Variants in LSM3 observed in about 807,000 individuals in gnomAD.
LSM3 encodes the protein LSM3 homolog, U6 small nuclear RNA and mRNA degradation associated, also known as U6 snRNA-associated Sm-like protein LSm3.
A neutral mutation model predicts 15.4 loss-of-function variants in LSM3; 14 were observed. The observed-to-expected ratio is 0.91, with a 90% CI of 0.60 to 1.42. The LOEUF (loss-of-function observed/expected upper bound fraction) is 1.42, where lower values mean the gene tolerates loss of function less well. LSM3 is among the 40% of genes most tolerant of loss of function. The pLI, the probability that LSM3 is intolerant of heterozygous loss-of-function variation, is 0.00. For missense variants in LSM3, 88 were observed against 127.9 expected (o/e 0.69, Z 1.50); for synonymous variants, 46 against 45.1 (o/e 1.02, Z -0.08).
intron 3 of LSM3, among the ~76,000 whole-genome samples, chr3:14,189,700 C>T (rs1247396751): frequency 3.3e-5 from 5 of 151,924 alleles, no homozygotes; most frequent in Non-Finnish European, 7.4e-5. Context: ...TGGATATTAG[C>T]CTTTTGTCAG....
chr3:14,180,839 TTTTTTTTTTTTTTTTTTTAAAA>T (rs1559390192), intron 1 of LSM3, among the ~76,000 whole-genome samples: 1 of 126,050 alleles, frequency 7.9e-6, no homozygotes, highest in African/African-American at 3.3e-5. Context: ...TTTTTTTTTT[TTTTTTTTTTTTTTTTTTTAAAA>T]AAAAAAAAGA....
At chr3:14,192,366 A>T (rs1242271636) in intron 3 of LSM3, among the ~76,000 whole-genome samples, 1 of 152,174 alleles carries the variant, frequency 6.6e-6, no homozygotes, top group African/African-American at 2.4e-5. Flanking sequence ...GATCTGTCTG[A>T]TATTGACAGT....
Position 14,199,765 on chromosome 3 carries a change from G to A in LSM3, c.*1649G>A, listed in dbSNP as rs1358234572. On this transcript the variant is annotated 3_prime_UTR_variant, in exon 4 of 4. Coordinates refer to ENST00000306024, the MANE Select transcript of LSM3 (RefSeq NM_014463.3). ...AACTCCCTCCTGCAGAATGTTAGAA[G>A]AAACAACCTCAAAGACCTCAGGCCG... The A allele has an allele frequency of 6.6e-6, 1 of 152,232 alleles. No homozygotes were observed. The highest frequency in any genetic ancestry group is 1.5e-5 in the Non-Finnish European group (1 of 68,088). The allele number at this position is 152,232 out of a possible 1,614,324, so 9.4% of individuals were successfully genotyped here. A position where few individuals can be genotyped will look rare whatever the true frequency, so the allele number is the denominator to read the frequency against.
intron 3 of LSM3, among the ~76,000 whole-genome samples, chr3:14,193,109 C>T (rs1476799273): frequency 6.6e-6 from 1 of 152,180 alleles, no homozygotes; most frequent in Non-Finnish European, 1.5e-5. Flanking sequence ...TTGGTTCCCA[C>T]TCTCTTCTGG....
intron 3 of LSM3, among the ~76,000 whole-genome samples, chr3:14,189,434 T>C (rs1184434642): frequency 1.3e-5 from 2 of 152,206 alleles, no homozygotes; most frequent in Non-Finnish European, 1.5e-5. Flanking sequence ...GTAAAAGCAT[T>C]TCAGTTTTTC....
intron 1 of LSM3, among the ~76,000 whole-genome samples, chr3:14,179,300 A>G (rs1696985657): frequency 6.6e-6 from 1 of 152,228 alleles, no homozygotes; most frequent in South Asian, 2.1e-4. Flanking sequence ...ATCGACATAT[A>G]AGAGATCCTT....
At chr3:14,197,036 A>G (rs536122822) in intron 3 of LSM3, among the ~76,000 whole-genome samples, 1 of 152,366 alleles carries the variant, frequency 6.6e-6, no homozygotes, top group South Asian at 2.1e-4. Context: ...TTGGGTGGAA[A>G]GACAACACCC....
At position 14,192,968 on chromosome 3, in the gene LSM3, C is replaced by A. The variant is rs533416897; in HGVS notation, c.229-5068C>A. 7.2e-5 allele frequency among the ~76,000 whole-genome samples: 11 copies of A among 152,274 alleles called. No homozygotes were observed. In the East Asian group the frequency reaches 2.1e-3, roughly 29 times the overall value. The stretch of plus-strand genomic sequence containing the variant: ...CTTTCAGGAGCTCTTGTGAGGCAGG[C>A]CTGGTGGTGACAAAATCCCTCAGCA... On this transcript the variant is annotated intron_variant, in intron 3 of 3. Coordinates refer to ENST00000306024, the MANE Select transcript of LSM3 (RefSeq NM_014463.3).
At chr3:14,179,145 C>T (rs899641579) in intron 1 of LSM3, among the ~76,000 whole-genome samples, 1 of 152,204 alleles carries the variant, frequency 6.6e-6, no homozygotes, top group South Asian at 2.1e-4. Context: ...CCTCATGGAG[C>T]TGTCAGGATT....
At chr3:14,196,645 A>G (rs933948780) in intron 3 of LSM3, among the ~76,000 whole-genome samples, 5 of 152,194 alleles carry the variant, frequency 3.3e-5, no homozygotes, top group East Asian at 1.9e-4. Flanking sequence ...AAATCCCTCA[A>G]TTAGATCAAA....
Position 14,198,715 on chromosome 3 carries a change from C to G in LSM3, c.*599C>G, listed in dbSNP as rs751244007. On this transcript the variant is annotated 3_prime_UTR_variant, in exon 4 of 4. Coordinates refer to ENST00000306024, the MANE Select transcript of LSM3 (RefSeq NM_014463.3). The stretch of plus-strand genomic sequence containing the variant: ...CTCTACTGAAAATATAAAAATTAGC[C>G]AGGCGTGGTGGCGCATACTTGTAAT... 3.3e-5 allele frequency: 5 copies of G among 152,586 alleles called. No individual in the cohort carries two copies. Among genetic ancestry groups the G allele is most frequent in the Non-Finnish European group, 5.8e-5 (4 of 68,440 alleles). The allele number at this position is 152,586 out of a possible 1,614,324, so 9.5% of individuals were successfully genotyped here.
intron 3 of LSM3, among the ~76,000 whole-genome samples, chr3:14,197,285 A>C (rs752101133): frequency 6.6e-6 from 1 of 152,230 alleles, no homozygotes; most frequent in Non-Finnish European, 1.5e-5. Flanking sequence ...AGCAACATCT[A>C]CTAACATTTG....
intron 3 of LSM3, among the ~76,000 whole-genome samples, chr3:14,190,677 A>C (rs1697131147): frequency 6.6e-6 from 1 of 152,318 alleles, no homozygotes; most frequent in African/African-American, 2.4e-5. Context: ...CTATCAGCTT[A>C]AGGAGGTTTT....
intron 2 of LSM3, among the ~76,000 whole-genome samples, chr3:14,182,395 G>A (rs1170370455): frequency 7.5e-5 from 11 of 147,626 alleles, no homozygotes; most frequent in Non-Finnish European, 7.5e-5. Context: ...TTTAATTTTC[G>A]TTTATTCTTT....
At chr3:14,180,847 TTTTTTTTTTTAA>T (rs1697030247) in intron 1 of LSM3, among the ~76,000 whole-genome samples, 8 of 83,034 alleles carry the variant, frequency 9.6e-5, no homozygotes, top group African/African-American at 3.0e-4. Flanking sequence ...TTTTTTTTTT[TTTTTTTTTTTAA>T]AAAAAAAAAA....
chr3:14,190,156 T>C (rs1489684212), intron 3 of LSM3, among the ~76,000 whole-genome samples: 1 of 152,228 alleles, frequency 6.6e-6, no homozygotes, highest in Non-Finnish European at 1.5e-5. Context: ...CATTGGTCTA[T>C]ATATCTGTTT....
intron 3 of LSM3, among the ~76,000 whole-genome samples, chr3:14,190,853 C>T (rs1291827475): frequency 1.3e-5 from 2 of 152,176 alleles, no homozygotes; most frequent in African/African-American, 2.4e-5. Flanking sequence ...GAGGGCATCC[C>T]TGTCTTGTGC....
At chr3:14,180,839 TTTTTTTTTTTTTTTTTTTAA>T (rs1559390183) in intron 1 of LSM3, among the ~76,000 whole-genome samples, 4 of 126,050 alleles carry the variant, frequency 3.2e-5, no homozygotes, top group African/African-American at 9.8e-5. Flanking sequence ...TTTTTTTTTT[TTTTTTTTTTTTTTTTTTTAA>T]AAAAAAAAAA....
intron 1 of LSM3, among the ~76,000 whole-genome samples, chr3:14,179,860 G>T (rs962245591): frequency 4.6e-5 from 7 of 152,192 alleles, no homozygotes; most frequent in Admixed American, 4.6e-4. Flanking sequence ...TAGCAGTAGG[G>T]CTTTTTCATG....
Sources: gnomAD v4.1 joint callset for allele counts (sites outside exome capture counted in the v4.1 genomes callset) on GRCh38, gnomAD v4.1.1 for gene constraint, MANE v1.5 for transcripts, NCBI Gene and HGNC (gene_info 2026-07-23, HGNC 2026-07-21) for gene names.